Variants in TULP4 observed in about 807,000 individuals in gnomAD.
The protein encoded by TULP4 is TUB like protein 4.
TULP4 carries 16 observed loss-of-function variants against 129.0 expected under a neutral mutation model. That is an observed-to-expected ratio of 0.12 (90% CI 0.08 to 0.19). The LOEUF (loss-of-function observed/expected upper bound fraction) is 0.19. Ranked by LOEUF, TULP4 falls within the 10% of genes least tolerant of loss-of-function variation. The pLI is 1.00. For synonymous variants in TULP4, 998 were observed against 854.0 expected, an observed-to-expected ratio of 1.17 and a Z score of -2.94; for missense variants, 1,842 against 2,059.1, an observed-to-expected ratio of 0.89 and a Z score of 2.04.
chr6:158,337,578 C>T (rs1780075656), intron 1 of TULP4, among the ~76,000 whole-genome samples: 1 of 152,164 alleles, frequency 6.6e-6, no homozygotes, highest in Non-Finnish European at 1.5e-5. Flanking sequence ...GGCACTGATT[C>T]CCTTCCTGGA....
chr6:158,389,579 A>G (rs1312197515), intron 1 of TULP4, among the ~76,000 whole-genome samples: 1 of 152,070 alleles, frequency 6.6e-6, no homozygotes, highest in Non-Finnish European at 1.5e-5. Flanking sequence ...TGTGGAGATC[A>G]ATAGAAGTGG....
At chr6:158,370,231 C>T (rs763555948) in intron 1 of TULP4, among the ~76,000 whole-genome samples, 15 of 151,592 alleles carry the variant, frequency 9.9e-5, no homozygotes, top group African/African-American at 2.4e-4. Flanking sequence ...CTGAGGCGGG[C>T]GGATCACCTG....
At chr6:158,376,367 C>T (rs1358998857) in intron 1 of TULP4, among the ~76,000 whole-genome samples, 1 of 152,166 alleles carries the variant, frequency 6.6e-6, no homozygotes, top group East Asian at 1.9e-4. Context: ...CTGGACAAAG[C>T]CTCCTGCTGA....
intron 1 of TULP4, among the ~76,000 whole-genome samples, chr6:158,412,363 G>A (rs1465082411): frequency 6.6e-6 from 1 of 152,124 alleles, no homozygotes; most frequent in Non-Finnish European, 1.5e-5. Context: ...GGCCCTGTGA[G>A]GCTTCCCTCA....
At chr6:158,470,912 TG>T (rs1212326423) in intron 6 of TULP4, among the ~76,000 whole-genome samples, 1 of 152,226 alleles carries the variant, frequency 6.6e-6, no homozygotes, top group Non-Finnish European at 1.5e-5. Context: ...TGTAAACTAC[TG>T]TTTTGACTGG....
upstream of TULP4, among the ~76,000 whole-genome samples, chr6:158,309,913 A>AGGG (rs1779310859): frequency 1.0e-4 from 5 of 50,030 alleles, no homozygotes; most frequent in African/African-American, 3.4e-4. Flanking sequence ...GGGGAGAGGG[A>AGGG]GAGGGGGAGG....
intron 3 of TULP4, among the ~76,000 whole-genome samples, chr6:158,442,446 GAGGAT>G (rs1202193066): frequency 9.2e-5 from 14 of 151,988 alleles, no homozygotes; most frequent in African/African-American, 3.4e-4. Flanking sequence ...ATTCTTTGCA[GAGGAT>G]AGGATGTTCC....
rs532955128 is a variant in TULP4, at chr6:158,253,965, G to A, written n.68+21662G>A. Among the ~76,000 whole-genome samples the A allele has an allele frequency of 4.3e-3, 661 of 152,192 alleles. 6 individuals are homozygous for A. Among genetic ancestry groups the A allele is most frequent in the Non-Finnish European group, 6.8e-3 (464 of 68,008 alleles). On this transcript the variant is annotated intron_variant and non_coding_transcript_variant, in intron 1 of 1. Transcript: ENST00000620026. ...AGGCAGGGAGAATTGCTTGAACCCA[G>A]GAGTCGGAGGTTGCAGTGAGCTGAG...
At chr6:158,450,167 TC>T (rs1332902616) in intron 4 of TULP4, among the ~76,000 whole-genome samples, 1 of 152,184 alleles carries the variant, frequency 6.6e-6, no homozygotes, top group Non-Finnish European at 1.5e-5. Context: ...GGGACTGGCT[TC>T]TTGATTAGAA....
At chr6:158,499,145 A>G (rs1780392944) in intron 12 of TULP4, among the ~76,000 whole-genome samples, 1 of 152,194 alleles carries the variant, frequency 6.6e-6, no homozygotes, top group Non-Finnish European at 1.5e-5. Flanking sequence ...TGCAGGACTG[A>G]TTGGGACTAA....
intron 1 of TULP4, among the ~76,000 whole-genome samples, chr6:158,345,840 A>C (rs937727589): frequency 6.6e-6 from 1 of 152,172 alleles, no homozygotes; most frequent in Non-Finnish European, 1.5e-5. Context: ...AGTAAGCCTG[A>C]GGGTACTGCA....
At chr6:158,474,247 A>C (rs933163128) in intron 6 of TULP4, among the ~76,000 whole-genome samples, 2 of 152,182 alleles carry the variant, frequency 1.3e-5, no homozygotes, top group Admixed American at 1.3e-4. Context: ...AGAAAGAACA[A>C]ACAAAGGGTG....
chr6:158,293,132 A>G (rs569064614), intron 1 of TULP4, among the ~76,000 whole-genome samples: 24 of 152,324 alleles, frequency 1.6e-4, no homozygotes, highest in African/African-American at 5.8e-4. Context: ...CTCTGTACAG[A>G]TAATTACATG....
intron 1 of TULP4, among the ~76,000 whole-genome samples, chr6:158,397,272 C>G (rs1777740726): frequency 6.6e-6 from 1 of 152,212 alleles, no homozygotes; most frequent in Admixed American, 6.5e-5. Flanking sequence ...TCTGACTTGT[C>G]TAGTTCTCCC....
chr6:158,478,066 A>G (rs1363338931), intron 6 of TULP4, among the ~76,000 whole-genome samples: 1 of 152,140 alleles, frequency 6.6e-6, no homozygotes, highest in Admixed American at 6.5e-5. Context: ...ACAAGAACAC[A>G]TGGATACAGG....
rs186968891 is a variant in TULP4, at chr6:158,372,528, A to G, written c.253-40537A>G. Among the ~76,000 whole-genome samples the G allele has an allele frequency of 2.4e-3, 365 of 152,312 alleles. 2 individuals carry two copies. Among genetic ancestry groups the G allele is most frequent in the African/African-American group, 8.3e-3 (345 of 41,564 alleles). On this transcript the variant is annotated intron_variant, in intron 1 of 13. Coordinates refer to ENST00000367097, the MANE Select transcript of TULP4 (RefSeq NM_020245.5). ...AAAGATTAAATTGAATTAAATATCA[A>G]TTTCTATTTTAAGAATTTGAGTAGT...
At chr6:158,331,778 TACACACACACATACCTAC>T (rs1779898645) in intron 1 of TULP4, among the ~76,000 whole-genome samples, 1 of 71,526 alleles carries the variant, frequency 1.4e-5, no homozygotes, top group Non-Finnish European at 3.2e-5. Flanking sequence ...CACGTATATA[TACACACACACATACCTAC>T]ATACACACAT....
chr6:158,243,849 TG>T (rs1369242787), intron 1 of TULP4, among the ~76,000 whole-genome samples: 13 of 42,042 alleles, frequency 3.1e-4, no homozygotes, highest in South Asian at 1.8e-3. Flanking sequence ...CTGAAATAGG[TG>T]TGTGTGTGTG....
At chr6:158,383,843 A>G (rs949054872) in intron 1 of TULP4, among the ~76,000 whole-genome samples, 4 of 152,258 alleles carry the variant, frequency 2.6e-5, no homozygotes, top group Admixed American at 1.3e-4. Flanking sequence ...GATGACTTTC[A>G]GCAGGGCTGA....
Sources: allele counts gnomAD v4.1 joint callset (sites outside exome capture counted in the v4.1 genomes callset), GRCh38; gene constraint gnomAD v4.1.1; transcripts MANE v1.5; gene names NCBI Gene and HGNC (gene_info 2026-07-23, HGNC 2026-07-21).